Variants in TENM3 observed in about 807,000 individuals in gnomAD.
TENM3 encodes teneurin-3.
TENM3 carries 63 observed loss-of-function variants against 255.1 expected under a neutral mutation model. That is an observed-to-expected ratio of 0.25 (90% CI 0.20 to 0.30). The LOEUF is 0.30. Among genes scored for constraint, TENM3 ranks in the 10% least tolerant of loss-of-function variants. The pLI is 1.00. For synonymous variants in TENM3, 1,306 were observed against 1,322.3 expected, an observed-to-expected ratio of 0.99 and a Z score of 0.27; for missense variants, 2,929 against 3,461.1, an observed-to-expected ratio of 0.85 and a Z score of 3.86.
At chr4:182,259,461 G>A (rs544119537) in intron 1 of TENM3, among the ~76,000 whole-genome samples, 7 of 152,016 alleles carry the variant, frequency 4.6e-5, no homozygotes, top group South Asian at 4.2e-4. Context: ...ACAGGTGCGC[G>A]CCACCACACC....
upstream of TENM3, chr4:182,142,509 G>T (rs1278895355): frequency 6.0e-6 from 1 of 167,220 alleles, no homozygotes; most frequent in Admixed American, 6.5e-5. Context: ...CCCAGTGCTC[G>T]ATCTGTTTCT....
intron 1 of TENM3, among the ~76,000 whole-genome samples, chr4:182,278,704 C>A (rs1283275161): frequency 6.6e-6 from 1 of 151,974 alleles, no homozygotes; most frequent in East Asian, 1.9e-4. Context: ...CAGCTCCATC[C>A]CTCTGTGACA....
the TENM3 span, among the ~76,000 whole-genome samples, chr4:181,833,843 A>G: frequency 6.6e-6 from 1 of 152,124 alleles, no homozygotes; most frequent in Admixed American, 6.6e-5. Context: ...TGGCTTCTCA[A>G]GGACAAGGGG....
At chr4:181,501,421 T>C in the TENM3 span, among the ~76,000 whole-genome samples, 1 of 151,690 alleles carries the variant, frequency 6.6e-6, no homozygotes, top group African/African-American at 2.4e-5. Context: ...CACTGTCGCC[T>C]GGGCTGGAGT....
chr4:181,840,718 T>C, the TENM3 span, among the ~76,000 whole-genome samples: 1 of 152,102 alleles, frequency 6.6e-6, no homozygotes, highest in Non-Finnish European at 1.5e-5. Flanking sequence ...TGCAGGTTCA[T>C]GGACAGGAAA....
At chr4:181,950,335 GCCC>G in the TENM3 span, among the ~76,000 whole-genome samples, 1 of 151,544 alleles carries the variant, frequency 6.6e-6, no homozygotes, top group Non-Finnish European at 1.5e-5. Context: ...TTCGGACTCA[GCCC>G]GCCTGCGCCC....
chr4:182,511,952 A>C (rs1399203868), intron 3 of TENM3, among the ~76,000 whole-genome samples: 1 of 152,220 alleles, frequency 6.6e-6, no homozygotes, highest in African/African-American at 2.4e-5. Context: ...CTATTAGAAA[A>C]TGACACTAAT....
intron 5 of TENM3, among the ~76,000 whole-genome samples, chr4:182,637,295 G>A (rs994349086): frequency 6.6e-6 from 1 of 152,144 alleles, no homozygotes; most frequent in Admixed American, 6.5e-5. Context: ...AATTTGTATA[G>A]AGTTTGTTGT....
intron 3 of TENM3, among the ~76,000 whole-genome samples, chr4:182,506,941 T>C (rs1736886190): frequency 6.6e-6 from 1 of 152,216 alleles, no homozygotes; most frequent in African/African-American, 2.4e-5. Flanking sequence ...GGTTATCTTA[T>C]CTGTGTTTAA....
chr4:182,637,569 T>C (rs953991546), intron 5 of TENM3, among the ~76,000 whole-genome samples: 2 of 152,198 alleles, frequency 1.3e-5, no homozygotes, highest in African/African-American at 2.4e-5. Context: ...AATTCCAGTT[T>C]CTTCTTTAGT....
chr4:181,736,932 G>T, the TENM3 span, among the ~76,000 whole-genome samples: 1 of 152,074 alleles, frequency 6.6e-6, no homozygotes, highest in African/African-American at 2.4e-5. Flanking sequence ...GGAGAAACAC[G>T]TGGCCCATAA....
intron 3 of TENM3, among the ~76,000 whole-genome samples, chr4:182,399,301 A>G (rs935073134): frequency 6.6e-6 from 1 of 151,498 alleles, no homozygotes; most frequent in Non-Finnish European, 1.5e-5. Context: ...TTTTTTTTTC[A>G]TCTTTAAAAT....
the TENM3 span, among the ~76,000 whole-genome samples, chr4:181,687,689 T>C: frequency 6.6e-6 from 1 of 152,268 alleles, no homozygotes. Flanking sequence ...TTATTTCGTA[T>C]CAGAAATTCC....
chr4:181,733,774 G>C, the TENM3 span, among the ~76,000 whole-genome samples: 1 of 152,178 alleles, frequency 6.6e-6, no homozygotes. Context: ...ACGCAGTTGA[G>C]TATCTGCTTC....
At chr4:182,768,308 T>A (rs1763892786) in intron 22 of TENM3, among the ~76,000 whole-genome samples, 1 of 152,234 alleles carries the variant, frequency 6.6e-6, no homozygotes, top group Non-Finnish European at 1.5e-5. Flanking sequence ...TGTCAAGTTG[T>A]AAAGAAAGTT....
At chr4:182,584,763 C>T (rs1043252849) in intron 3 of TENM3, among the ~76,000 whole-genome samples, 27 of 152,186 alleles carry the variant, frequency 1.8e-4, no homozygotes, top group African/African-American at 6.5e-4. Context: ...CCTCAGCCTC[C>T]CAAGCACCTG....
chr4:182,691,510 G>A (rs1043169694), intron 12 of TENM3, among the ~76,000 whole-genome samples: 1 of 152,136 alleles, frequency 6.6e-6, no homozygotes, highest in African/African-American at 2.4e-5. Flanking sequence ...AGTAAAATAG[G>A]TTATGAATTT....
At chr4:181,522,054 T>G in the TENM3 span, among the ~76,000 whole-genome samples, 23 of 121,556 alleles carry the variant, frequency 1.9e-4, no homozygotes, top group East Asian at 4.7e-3. Flanking sequence ...TGAGCCGAGA[T>G]CACGTCACTG....
At chr4:181,600,084 C>T in the TENM3 span, among the ~76,000 whole-genome samples, 4 of 152,206 alleles carry the variant, frequency 2.6e-5, no homozygotes, top group African/African-American at 7.2e-5. Context: ...GCTAATGCTG[C>T]ATGTAATCTC....
Sources: allele counts gnomAD v4.1 joint callset (sites outside exome capture counted in the v4.1 genomes callset), GRCh38; gene constraint gnomAD v4.1.1; transcripts MANE v1.5; gene names NCBI Gene and HGNC (gene_info 2026-07-23, HGNC 2026-07-21).